B3GALT1: variants seen among roughly 807,000 people sequenced by gnomAD.
B3GALT1 encodes UDP-Gal:betaGlcNAc beta 1,3-galactosyltransferase, polypeptide 1.
In B3GALT1, 10 loss-of-function variants were observed where a neutral mutation model predicts 23.2. The observed-to-expected ratio is 0.43, with a 90% CI of 0.27 to 0.73. The LOEUF is 0.73. B3GALT1 is among the 30% of genes least tolerant of loss of function. The pLI, the probability that B3GALT1 is intolerant of heterozygous loss-of-function variation, is 0.21. For synonymous variants in B3GALT1, 156 were observed against 141.5 expected (o/e 1.10, Z -0.73); for missense variants, 299 against 405.4 (o/e 0.74, Z 2.25).
Position 167,384,053 on chromosome 2 carries a change from A to G in B3GALT1, c.-511+90719A>G, listed in dbSNP as rs192832251. Among the ~76,000 whole-genome samples, 305 of 152,368 alleles carry G rather than the reference A, an allele frequency of 2.0e-3. 5 individuals carry two copies. The Middle Eastern group carries it at 0.027, about 14-fold the overall frequency. ...ACTGTGGATTAGAGTAAAGAGCACCAGTTACTTCAGTAACCAGCGATTTGA... is the reference window on the plus strand; with the variant it reads ...ACTGTGGATTAGAGTAAAGAGCACCGGTTACTTCAGTAACCAGCGATTTGA... On this transcript the variant is annotated intron_variant, in intron 1 of 4. Coordinates refer to ENST00000392690, the MANE Select transcript of B3GALT1 (RefSeq NM_020981.4).
At chr2:167,304,129 C>T (rs1696506445) in intron 1 of B3GALT1, among the ~76,000 whole-genome samples, 2 of 152,146 alleles carry the variant, frequency 1.3e-5, no homozygotes, top group South Asian at 4.1e-4. Context: ...TGTAATTCAG[C>T]TAATCCCAGG....
At chr2:167,664,259 A>G (rs1034742761) in intron 3 of B3GALT1, among the ~76,000 whole-genome samples, 1 of 151,238 alleles carries the variant, frequency 6.6e-6, no homozygotes, top group Non-Finnish European at 1.5e-5. Context: ...TTTGTCAAAG[A>G]TCAGATAGTT....
intron 4 of B3GALT1, among the ~76,000 whole-genome samples, chr2:167,849,889 CAAA>C (rs34125080): frequency 5.6e-5 from 4 of 71,394 alleles, no homozygotes; most frequent in Non-Finnish European, 1.1e-4. Flanking sequence ...GACTCTGTCT[CAAA>C]AAAAAAAAAA....
intron 1 of B3GALT1, among the ~76,000 whole-genome samples, chr2:167,444,525 A>G (rs1478596111): frequency 6.6e-6 from 1 of 152,174 alleles, no homozygotes; most frequent in East Asian, 1.9e-4. Flanking sequence ...TAGACTATTA[A>G]TTATTGCCTC....
rs529496731 is a variant in B3GALT1 at position 167,867,631 on chromosome 2, A to G, written c.-229-1180A>G. On this transcript the variant is annotated intron_variant, in intron 4 of 4. Transcript: ENST00000392690. ...CTTAGAAGCATGATTTTCAATCTAT[A>G]TTCCCAATTAAATTATTTCTACACA... Among the ~76,000 whole-genome samples the G allele has an allele frequency of 2.6e-5, 4 of 152,292 alleles. No homozygotes were observed. The East Asian group carries it at 7.7e-4, about 29-fold the overall frequency.
intron 4 of B3GALT1, among the ~76,000 whole-genome samples, chr2:167,821,115 G>A (rs1689096406): frequency 6.6e-6 from 1 of 152,158 alleles, no homozygotes; most frequent in Non-Finnish European, 1.5e-5. Flanking sequence ...TGGGTGTATA[G>A]GCCATTCATA....
Position 167,435,884 on chromosome 2 carries a change from G to A in B3GALT1, c.-510-54293G>A, listed in dbSNP as rs546357390. 2.6e-5 allele frequency among the ~76,000 whole-genome samples: 4 copies of A among 151,790 alleles called. No individual in the cohort carries two copies. In the South Asian group the frequency reaches 6.3e-4, roughly 24 times the overall value. On this transcript the variant is annotated intron_variant, in intron 1 of 4. Transcript: ENST00000392690. ...GAAGAACATTTAGTCCCTATTTGGT[G>A]GGTATGAATTTCTCTGTCTTTCTAT...
intron 3 of B3GALT1, among the ~76,000 whole-genome samples, chr2:167,677,897 G>T (rs1345200831): frequency 1.3e-5 from 2 of 152,174 alleles, no homozygotes. Flanking sequence ...CAGAGTAAAG[G>T]TGAGAAAAGC....
intron 2 of B3GALT1, among the ~76,000 whole-genome samples, chr2:167,601,220 C>T (rs1684873090): frequency 6.6e-6 from 1 of 152,078 alleles, no homozygotes; most frequent in South Asian, 2.1e-4. Context: ...CCACCACGCC[C>T]AGCTAATTTT....
chr2:167,653,844 T>C (rs1442426369), intron 3 of B3GALT1, among the ~76,000 whole-genome samples: 2 of 152,204 alleles, frequency 1.3e-5, no homozygotes, highest in African/African-American at 2.4e-5. Flanking sequence ...CATTTAGTCC[T>C]CCTTTGCTCG....
intron 3 of B3GALT1, among the ~76,000 whole-genome samples, chr2:167,676,938 A>G (rs1686439250): frequency 6.6e-6 from 1 of 152,238 alleles, no homozygotes; most frequent in Non-Finnish European, 1.5e-5. Flanking sequence ...AGTTATTTTA[A>G]AATTCAAATT....
chr2:167,640,657 T>C (rs890121254), intron 2 of B3GALT1, among the ~76,000 whole-genome samples: 6 of 152,106 alleles, frequency 3.9e-5, no homozygotes, highest in African/African-American at 1.2e-4. Flanking sequence ...TATTTTACAC[T>C]GAATAGTATT....
intron 1 of B3GALT1, among the ~76,000 whole-genome samples, chr2:167,445,348 T>G (rs1195263311): frequency 6.6e-6 from 1 of 152,344 alleles, no homozygotes; most frequent in East Asian, 1.9e-4. Context: ...TCTGTTGATT[T>G]GGGGTGAAGA....
chr2:167,757,792 C>T (rs950393081), intron 3 of B3GALT1, among the ~76,000 whole-genome samples: 3 of 152,080 alleles, frequency 2.0e-5, no homozygotes, highest in African/African-American at 7.2e-5. Context: ...ATCTGGGGTG[C>T]ACCTTATAAA....
At chr2:167,748,144 G>C (rs1334304103) in intron 3 of B3GALT1, among the ~76,000 whole-genome samples, 1 of 152,140 alleles carries the variant, frequency 6.6e-6, no homozygotes, top group Non-Finnish European at 1.5e-5. Flanking sequence ...GTTAGACTAT[G>C]ATACGAGCTC....
intron 1 of B3GALT1, among the ~76,000 whole-genome samples, chr2:167,443,780 G>A (rs981150694): frequency 6.6e-6 from 1 of 152,122 alleles, no homozygotes; most frequent in African/African-American, 2.4e-5. Flanking sequence ...GAGACGATGG[G>A]GTTTTCTAAA....
chr2:167,651,123 T>C (rs1466938958), intron 3 of B3GALT1, among the ~76,000 whole-genome samples: 1 of 152,104 alleles, frequency 6.6e-6, no homozygotes, highest in Non-Finnish European at 1.5e-5. Context: ...CAATGAACTT[T>C]TGTTAGGGAA....
At chr2:167,335,147 TC>T (rs1697038291) in intron 1 of B3GALT1, among the ~76,000 whole-genome samples, 1 of 152,026 alleles carries the variant, frequency 6.6e-6, no homozygotes, top group Non-Finnish European at 1.5e-5. Flanking sequence ...CCTCTTTCTG[TC>T]TTAGTTCTTG....
intron 4 of B3GALT1, among the ~76,000 whole-genome samples, chr2:167,866,772 C>T (rs1300240226): frequency 2.0e-5 from 3 of 152,078 alleles, no homozygotes; most frequent in African/African-American, 4.8e-5. Flanking sequence ...GGAAAGTATG[C>T]AAGAGGACAG....
Sources: gnomAD v4.1 joint callset for allele counts (sites outside exome capture counted in the v4.1 genomes callset) on GRCh38, gnomAD v4.1.1 for gene constraint, MANE v1.5 for transcripts, NCBI Gene and HGNC (gene_info 2026-07-23, HGNC 2026-07-21) for gene names.